Variants in CDYL observed in about 807,000 individuals in gnomAD.
CDYL encodes the protein chromodomain Y like, also known as chromodomain Y-like protein.
A neutral mutation model predicts 47.3 loss-of-function variants in CDYL; 8 were observed. The ratio of observed to expected loss-of-function variants is 0.17; its 90% confidence interval spans 0.10 to 0.31. The LOEUF is 0.31. Ranked by LOEUF, CDYL falls within the 10% of genes least tolerant of loss-of-function variation. The probability of loss-of-function intolerance (pLI) is 1.00; values close to 1 mark genes in which losing one functional copy is unlikely to be tolerated. For missense variants in CDYL, 471 were observed against 701.4 expected, an observed-to-expected ratio of 0.67 and a Z score of 3.71; for synonymous variants, 266 against 265.0, an observed-to-expected ratio of 1.00 and a Z score of -0.04.
Position 4,882,855 on chromosome 6 carries a change from A to G in CDYL, c.25-8858A>G, listed in dbSNP as rs79333039. ...CTTACTGCCCCAGATGAGGTTTCCAATGCTAATGATGATGACCCACTGGAG... is the reference window on the plus strand; with the variant it reads ...CTTACTGCCCCAGATGAGGTTTCCAGTGCTAATGATGATGACCCACTGGAG... On this transcript the variant is annotated intron_variant, in intron 1 of 6. Coordinates refer to ENST00000397588, the MANE Select transcript of CDYL (RefSeq NM_004824.4). 7.3e-3 allele frequency among the ~76,000 whole-genome samples: 1,110 copies of G among 152,292 alleles called. 15 individuals are homozygous for G. The highest frequency in any genetic ancestry group is 0.026 in the African/African-American group (1,070 of 41,546).
intron 1 of CDYL, among the ~76,000 whole-genome samples, chr6:4,800,951 T>C (rs1759209594): frequency 6.6e-6 from 1 of 152,232 alleles, no homozygotes; most frequent in African/African-American, 2.4e-5. Context: ...TATTGAGCTT[T>C]TGGGAGATAT....
chr6:4,844,960 C>A (rs534919455), intron 1 of CDYL, among the ~76,000 whole-genome samples: 2 of 152,074 alleles, frequency 1.3e-5, no homozygotes, highest in Non-Finnish European at 2.9e-5. Context: ...GAATCTTTTG[C>A]TAAATTTAGA....
intron 1 of CDYL, among the ~76,000 whole-genome samples, chr6:4,707,383 T>C (rs1267701295): frequency 6.6e-6 from 1 of 152,216 alleles, no homozygotes; most frequent in Admixed American, 6.5e-5. Flanking sequence ...GTTCAAGCGA[T>C]TCTCCTGCCT....
intron 2 of CDYL, among the ~76,000 whole-genome samples, chr6:4,905,555 G>A (rs1382817387): frequency 6.6e-6 from 1 of 152,120 alleles, no homozygotes; most frequent in African/African-American, 2.4e-5. Flanking sequence ...GAACTGCTGA[G>A]TTTGAAGTAG....
At position 4,894,874 on chromosome 6, in the gene CDYL, CATGT is replaced by C. The variant is rs781070674; in HGVS notation, c.691+2496_691+2499del. 2.6e-4 allele frequency among the ~76,000 whole-genome samples: 38 copies of C among 147,792 alleles called. 1 individual carries two copies. In the South Asian group the frequency reaches 5.7e-3, roughly 22 times the overall value. On this transcript the variant is annotated intron_variant, in intron 2 of 6. Transcript: ENST00000397588. ...GTGTGTGTATATGTGTATATACACA[CATGT>C]GTATGTGTGTGTATATATACACACG...
chr6:4,943,624 A>G lies in CDYL; in HGVS notation c.1200A>G (p.Ala400=), dbSNP rs758770404. Residue 400 remains alanine (A), a synonymous_variant, in exon 5 of 7, where the codon GCA becomes GCG. Transcript: ENST00000397588. The part of the protein sequence containing the change: ...AVNGPAIGLG[A]SILPLCDVVW... ...ATGGCCCAGCCATTGGTCTAGGAGC[A>G]TCTATATTGCCTCTTTGCGATGTGG... is the stretch of plus-strand genomic sequence containing the variant. 4 of 1,613,938 alleles carry G rather than the reference A, an allele frequency of 2.5e-6. No individual in the cohort carries two copies. The highest frequency in any genetic ancestry group is 2.7e-5 in the African/African-American group (2 of 74,922).
At chr6:4,747,007 G>A (rs1757910005) in intron 3 of CDYL, among the ~76,000 whole-genome samples, 1 of 152,056 alleles carries the variant, frequency 6.6e-6, no homozygotes, top group South Asian at 2.1e-4. Context: ...ATGATTTAAT[G>A]TTAAAAATTC....
intron 1 of CDYL, chr6:4,890,038 C>G: frequency 1.0e-6 from 1 of 985,498 alleles, no homozygotes; most frequent in South Asian, 4.7e-5. Context: ...CACCAGGCTC[C>G]TGCCTCGGCT....
chr6:4,799,922 A>G (rs531505223), intron 1 of CDYL, among the ~76,000 whole-genome samples: 3 of 152,308 alleles, frequency 2.0e-5, no homozygotes, highest in African/African-American at 4.8e-5. Flanking sequence ...TAAAATCACT[A>G]TGAAACGTCT....
chr6:4,905,472 C>T (rs574549008), intron 2 of CDYL, among the ~76,000 whole-genome samples: 1 of 152,314 alleles, frequency 6.6e-6, no homozygotes, highest in South Asian at 2.1e-4. Context: ...ATTTCAGCGT[C>T]TTTTCTGAAG....
At chr6:4,779,688 A>T (rs1327962756) in intron 1 of CDYL, among the ~76,000 whole-genome samples, 1 of 152,188 alleles carries the variant, frequency 6.6e-6, no homozygotes, top group South Asian at 2.1e-4. Flanking sequence ...CGGATTTTTG[A>T]TGCGGCGTAG....
chr6:4,947,246 G>T (rs1436059225), intron 5 of CDYL, among the ~76,000 whole-genome samples: 1 of 152,204 alleles, frequency 6.6e-6, no homozygotes, highest in Non-Finnish European at 1.5e-5. Flanking sequence ...TAGCAAGGGG[G>T]GCTTACGTGT....
intron 1 of CDYL, among the ~76,000 whole-genome samples, chr6:4,874,190 AT>A (rs946048025): frequency 9.3e-5 from 14 of 150,108 alleles, no homozygotes; most frequent in African/African-American, 2.7e-4. Context: ...GGCCATTTGT[AT>A]TTTTTTTTCA....
intron 1 of CDYL, among the ~76,000 whole-genome samples, chr6:4,823,402 C>CA (rs1561654864): frequency 1.3e-5 from 2 of 152,206 alleles, no homozygotes; most frequent in African/African-American, 4.8e-5. Flanking sequence ...CATGGAAAGT[C>CA]AGTGTTCAGA....
At chr6:4,889,783 C>T (rs149942370) in intron 1 of CDYL, among the ~76,000 whole-genome samples, 4 of 152,224 alleles carry the variant, frequency 2.6e-5, no homozygotes, top group Non-Finnish European at 4.4e-5. Flanking sequence ...AACTCCTGGT[C>T]TAATGTGTCC....
intron 1 of CDYL, among the ~76,000 whole-genome samples, chr6:4,853,028 G>C (rs1483081044): frequency 6.6e-6 from 1 of 152,088 alleles, no homozygotes; most frequent in African/African-American, 2.4e-5. Context: ...GGCCTCAAGT[G>C]GTCCTCCTCT....
At chr6:4,905,218 G>A (rs1405208164) in intron 2 of CDYL, among the ~76,000 whole-genome samples, 1 of 152,124 alleles carries the variant, frequency 6.6e-6, no homozygotes, top group Non-Finnish European at 1.5e-5. Flanking sequence ...ATGGCTTGCT[G>A]TTCTCTTCAA....
At chr6:4,723,610 C>T (rs575945805) in intron 2 of CDYL, among the ~76,000 whole-genome samples, 150 of 152,244 alleles carry the variant, frequency 9.9e-4, no homozygotes, top group African/African-American at 3.5e-3. Flanking sequence ...TCCCCTCCTC[C>T]ACCCTACAGA....
At chr6:4,902,929 G>T (rs1161447117) in intron 2 of CDYL, among the ~76,000 whole-genome samples, 2 of 152,148 alleles carry the variant, frequency 1.3e-5, no homozygotes, top group Non-Finnish European at 2.9e-5. Context: ...AACTTTAAAT[G>T]GTAAAATGGA....
Sources: gnomAD v4.1 joint callset for allele counts (sites outside exome capture counted in the v4.1 genomes callset) on GRCh38, gnomAD v4.1.1 for gene constraint, MANE v1.5 for transcripts, NCBI Gene and HGNC (gene_info 2026-07-23, HGNC 2026-07-21) for gene names.